Variants in GAREM1 observed in about 807,000 individuals in gnomAD.
GAREM1 encodes the protein GRB2-associated and regulator of MAPK protein 1.
In GAREM1, 26 loss-of-function variants were observed where a neutral mutation model predicts 71.3. That is an observed-to-expected ratio of 0.36 (90% CI 0.27 to 0.51). The LOEUF is 0.51. Ranked by LOEUF, GAREM1 falls within the 20% of genes least tolerant of loss-of-function variation. GAREM1 has a pLI of 0.95. For synonymous variants in GAREM1, 440 were observed against 433.2 expected (o/e 1.02, Z -0.20); for missense variants, 1,026 against 1,103.1 (o/e 0.93, Z 0.99).
chr18:32,463,156 G>T (rs1198174947), intron 1 of GAREM1, among the ~76,000 whole-genome samples: 1 of 152,014 alleles, frequency 6.6e-6, no homozygotes, highest in Non-Finnish European at 1.5e-5. Context: ...TGCATAATGT[G>T]TACATATACT....
At position 32,310,748 on chromosome 18, in the gene GAREM1, A is replaced by C. The variant is rs189860906; in HGVS notation, c.263-425T>G. ...GAGTCTTAGAAGCCTGGGAGAGCTA[A>C]CTTTTAAAAATTAGTATTAAATTTT... On this transcript the variant is annotated intron_variant, in intron 2 of 5. Transcript: ENST00000269209. 1.6e-3 allele frequency among the ~76,000 whole-genome samples: 249 copies of C among 152,186 alleles called. 1 individual carries two copies. Among genetic ancestry groups the C allele is most frequent in the African/African-American group, 5.9e-3 (244 of 41,500 alleles).
At chr18:32,458,036 T>G (rs1353421298) in intron 1 of GAREM1, among the ~76,000 whole-genome samples, 1 of 152,136 alleles carries the variant, frequency 6.6e-6, no homozygotes, top group East Asian at 1.9e-4. Context: ...TGAATTTCTA[T>G]TATTTATTCA....
intron 1 of GAREM1, among the ~76,000 whole-genome samples, chr18:32,402,084 T>C (rs999143151): frequency 6.6e-6 from 1 of 152,208 alleles, no homozygotes; most frequent in African/African-American, 2.4e-5. Context: ...AGGCCACTAA[T>C]AGAGACATTA....
intron 2 of GAREM1, among the ~76,000 whole-genome samples, chr18:32,329,295 G>A (rs755148631): frequency 2.6e-5 from 4 of 151,982 alleles, no homozygotes; most frequent in Non-Finnish European, 4.4e-5. Flanking sequence ...AAGGTCACTC[G>A]AGCCCAGGAG....
At chr18:32,277,210 G>C (rs988009543) in intron 4 of GAREM1, among the ~76,000 whole-genome samples, 2 of 152,180 alleles carry the variant, frequency 1.3e-5, no homozygotes, top group Non-Finnish European at 2.9e-5. Flanking sequence ...GGAAAGAAAG[G>C]AGTGAGGCAG....
Position 32,287,341 on chromosome 18 carries a change from T to C in GAREM1, c.1256A>G (p.Asp419Gly). 1 of 1,614,178 alleles carries C rather than the reference T, an allele frequency of 6.2e-7. No homozygotes were observed. Among genetic ancestry groups the C allele is most frequent in the African/African-American group, 1.3e-5 (1 of 75,054 alleles). Reference protein sequence around the residue: ...LGGDWAPFPHDILPYQDSGDS... With the variant: ...LGGDWAPFPHGILPYQDSGDS... ...TCCAGAGTCCTGATAGGGCAGGATG[T>C]CATGAGGAAAGGGAGCCCAATCTCC... The change falls in exon 4 of 6, where the codon GAC (aspartate) becomes GGC (glycine). Residue 419 changes from aspartate to glycine, a missense_variant. Physicochemically the swap from Asp to Gly is moderately conservative, Grantham distance 94 (BLOSUM62 -1). Coordinates refer to ENST00000269209, the MANE Select transcript of GAREM1 (RefSeq NM_001242409.2). The surrounding 1 kb of genome is among the most constrained non-coding windows in gnomAD (Gnocchi z 5.9).
chr18:32,382,271 AAGGGG>A (rs1250955890), intron 2 of GAREM1, among the ~76,000 whole-genome samples: 2 of 152,168 alleles, frequency 1.3e-5, no homozygotes, highest in African/African-American at 4.8e-5. Flanking sequence ...AGGGATTCTG[AAGGGG>A]AAGGATCTAC....
intron 1 of GAREM1, chr18:32,412,068 A>G (rs2048424760): frequency 7.1e-6 from 5 of 705,112 alleles, no homozygotes; most frequent in African/African-American, 3.5e-5. Context: ...TTGCCCATAC[A>G]CATGAGTATT....
chr18:32,394,271 A>G (rs988328131), intron 1 of GAREM1, among the ~76,000 whole-genome samples: 5 of 152,090 alleles, frequency 3.3e-5, no homozygotes, highest in Non-Finnish European at 7.4e-5. Context: ...GTGTGGTGGC[A>G]TATATCTGTA....
chr18:32,268,942 T>C (rs1277523212), intron 5 of GAREM1, among the ~76,000 whole-genome samples, 174 bp from the exon 6 acceptor site: 1 of 152,086 alleles, frequency 6.6e-6, no homozygotes, highest in African/African-American at 2.4e-5. Context: ...ATAAAATACA[T>C]TGGTAATTGT....
intron 1 of GAREM1, among the ~76,000 whole-genome samples, chr18:32,443,688 C>T (rs578213152): frequency 6.6e-6 from 1 of 152,122 alleles, no homozygotes; most frequent in Admixed American, 6.5e-5. Flanking sequence ...TAAAATGGCA[C>T]AGACACTCTG....
At chr18:32,466,065 TAAGTCAGGTA>T (rs2048995940) in intron 1 of GAREM1, among the ~76,000 whole-genome samples, 1 of 152,222 alleles carries the variant, frequency 6.6e-6, no homozygotes, top group Non-Finnish European at 1.5e-5. Context: ...CTATTTCTGT[TAAGTCAGGTA>T]ATTTCCAATT....
chr18:32,287,154 A>G lies in GAREM1; in HGVS notation c.1443T>C (p.Phe481=), dbSNP rs769913454. The G allele has an allele frequency of 6.2e-7, 1 of 1,614,246 alleles. No homozygotes were observed. The change falls in exon 4 of 6, where the codon TTT becomes TTC. Residue 481 remains phenylalanine, a synonymous_variant. Coordinates refer to ENST00000269209, the MANE Select transcript of GAREM1 (RefSeq NM_001242409.2). This position sits in a 1 kb window ranked among gnomAD's most constrained non-coding sequence, Gnocchi z 5.9. ...SLSEKNRCDQ[F]RGSVRSKCAT... The stretch of plus-strand genomic sequence containing the variant: ...CACATTTGGATCGGACAGAACCTCT[A>G]AACTGATCACATCTGTTCTTCTCGC...
Position 32,287,511 on chromosome 18 carries a change from G to A in GAREM1, c.1086C>T (p.Cys362=), listed in dbSNP as rs780016507. 6.8e-6 allele frequency: 11 copies of A among 1,614,094 alleles called. No homozygotes were observed. In the East Asian group the frequency reaches 1.8e-4, roughly 26 times the overall value. ...AATTGGGCACGTGGTTGTGGCCAGA[G>A]CACCGACCCTTCTTGGGGCTCTTGC... ...EECKSPKKGR[C]SGHNHVPNSL... Residue 362 remains cysteine, a synonymous_variant, in exon 4 of 6, where the codon TGC becomes TGT. Transcript: ENST00000269209. The surrounding 1 kb of genome is among the most constrained non-coding windows in gnomAD (Gnocchi z 5.9).
At chr18:32,282,625 G>A (rs1466614173) in intron 4 of GAREM1, among the ~76,000 whole-genome samples, 1 of 152,144 alleles carries the variant, frequency 6.6e-6, no homozygotes, top group Non-Finnish European at 1.5e-5. Context: ...TGGCCAACTG[G>A]TCTTGAACTC....
intron 3 of GAREM1, among the ~76,000 whole-genome samples, chr18:32,298,908 A>G (rs1567954710): frequency 6.6e-6 from 1 of 152,170 alleles, no homozygotes; most frequent in Non-Finnish European, 1.5e-5. Context: ...TTGCATCAAG[A>G]GTTAAGATAA....
chr18:32,454,079 C>T (rs1255031790), intron 1 of GAREM1, among the ~76,000 whole-genome samples: 1 of 151,666 alleles, frequency 6.6e-6, no homozygotes, highest in African/African-American at 2.4e-5. Flanking sequence ...CTCATCTTAC[C>T]TGTTGTTAAA....
chr18:32,268,711 T>C lies in GAREM1; in HGVS notation c.1791A>G (p.Pro597=), dbSNP rs781214410. 7 of 1,614,146 alleles carry C rather than the reference T, an allele frequency of 4.3e-6. No individual in the cohort carries two copies. The South Asian group carries it at 6.6e-5, about 15-fold the overall frequency. The change falls in exon 6 of 6, where the codon CCA becomes CCG. Residue 597 remains proline (P), a synonymous_variant. Transcript: ENST00000269209. ...CAGAATCAGTTTTCACTCGGTTACATGGATAGCAGGAAACAGGAGTGCTTT... is the reference window on the plus strand; with the variant it reads ...CAGAATCAGTTTTCACTCGGTTACACGGATAGCAGGAAACAGGAGTGCTTT... ...PSESTPVSCY[P]CNRVKTDSVD...
intron 1 of GAREM1, among the ~76,000 whole-genome samples, chr18:32,403,746 C>T (rs2048339093): frequency 6.6e-6 from 1 of 152,138 alleles, no homozygotes. Context: ...CAGCCCTGGT[C>T]CTAATCCTAC....
Sources: allele counts gnomAD v4.1 joint callset (sites outside exome capture counted in the v4.1 genomes callset), GRCh38; gene constraint gnomAD v4.1.1; non-coding constraint Gnocchi (gnomAD v3.1); transcripts MANE v1.5; gene names NCBI Gene and HGNC (gene_info 2026-07-23, HGNC 2026-07-21).